Variants in TULP3 observed in about 807,000 individuals in gnomAD.
TULP3 encodes the protein tubby-related protein 3.
A neutral mutation model predicts 50.7 loss-of-function variants in TULP3; 38 were observed. The ratio of observed to expected loss-of-function variants is 0.75; its 90% CI spans 0.58 to 0.98. The LOEUF (loss-of-function observed/expected upper bound fraction) is 0.98, where lower values mean the gene tolerates loss of function less well. Ranked by LOEUF, TULP3 falls within the 50% of genes least tolerant of loss-of-function variation. The pLI, the probability that TULP3 is intolerant of heterozygous loss-of-function variation, is 0.00. For synonymous variants in TULP3, 183 were observed against 196.6 expected (o/e 0.93, Z 0.58); for missense variants, 550 against 568.0 (o/e 0.97, Z 0.32).
intron 2 of TULP3, among the ~76,000 whole-genome samples, chr12:2,914,954 GT>G (rs899081864): frequency 3.8e-4 from 58 of 151,176 alleles, no homozygotes; most frequent in African/African-American, 1.4e-3. Context: ...TTCAGGGTAT[GT>G]GGGCACCTTA....
intron 1 of TULP3, among the ~76,000 whole-genome samples, chr12:2,901,312 C>CTTTTT (rs371069831): frequency 1.3e-4 from 14 of 104,126 alleles, no homozygotes; most frequent in East Asian, 5.8e-4. Context: ...TTCTTTCTTT[C>CTTTTT]TTTTTTTTTT....
intron 9 of TULP3, 52 bp downstream of exon 9, chr12:2,937,781 A>G (rs762997772): frequency 7.3e-7 from 1 of 1,363,068 alleles, no homozygotes; most frequent in South Asian, 1.3e-5. Context: ...ACAGTAGTAC[A>G]ATACACAGAG....
At chr12:2,931,524 G>GT (rs1242659796) in intron 6 of TULP3, among the ~76,000 whole-genome samples, 1 of 152,306 alleles carries the variant, frequency 6.6e-6, no homozygotes, top group Non-Finnish European at 1.5e-5. Context: ...CCATGATTGA[G>GT]TTTTTGAATG....
chr12:2,938,138 TG>T lies in TULP3; in HGVS notation c.1050del (p.Trp350CysfsTer39). 6.2e-7 allele frequency: 1 copy of T among 1,614,206 alleles called. No homozygotes were observed. The highest frequency in any genetic ancestry group is 1.3e-5 in the African/African-American group (1 of 75,058). ...GAACCATGACAGTTTGCTCTCAAGG[TG>T]GCAGAACAGAACTATGGAAAATCTG... ...QNNHDSLLSR[W>X]QNRTMENLVE... On this transcript the variant is annotated frameshift_variant, in exon 10 of 11. Coordinates refer to ENST00000448120, the MANE Select transcript of TULP3 (RefSeq NM_003324.5). LOFTEE classifies it high-confidence loss of function.
intron 4 of TULP3, among the ~76,000 whole-genome samples, chr12:2,929,486 A>AG (rs2098196642): frequency 6.6e-6 from 1 of 152,172 alleles, no homozygotes; most frequent in South Asian, 2.1e-4. Flanking sequence ...TTTTAAAAAA[A>AG]CTTTTTATGG....
intron 8 of TULP3, among the ~76,000 whole-genome samples, chr12:2,937,200 A>T (rs1385224187): frequency 1.3e-3 from 73 of 54,414 alleles, no homozygotes; most frequent in Non-Finnish European, 1.5e-3. Flanking sequence ...GGTACACCTG[A>T]TTTTTTTTTT....
intron 1 of TULP3, among the ~76,000 whole-genome samples, chr12:2,909,114 A>C (rs1375467434): frequency 6.6e-6 from 1 of 152,224 alleles, no homozygotes; most frequent in Non-Finnish European, 1.5e-5. Context: ...ATGACTCTTC[A>C]AGTCTGTTTC....
intron 1 of TULP3, among the ~76,000 whole-genome samples, chr12:2,897,819 C>CT (rs2153947668): frequency 6.6e-6 from 1 of 150,466 alleles, no homozygotes; most frequent in East Asian, 2.0e-4. Context: ...TGGCTCATGC[C>CT]TGTAATCCCA....
intron 4 of TULP3, among the ~76,000 whole-genome samples, chr12:2,929,613 G>T (rs1490673687): frequency 6.7e-6 from 1 of 150,158 alleles, no homozygotes; most frequent in African/African-American, 2.5e-5. Flanking sequence ...TTGTTTTTTT[G>T]AGACAGAGTC....
intron 1 of TULP3, among the ~76,000 whole-genome samples, chr12:2,898,224 G>T (rs574188008): frequency 2.0e-5 from 3 of 152,252 alleles, no homozygotes; most frequent in East Asian, 3.8e-4. Flanking sequence ...GGCTTTACTA[G>T]GTTAAGTTGT....
chr12:2,925,149 C>T (rs769544260), intron 4 of TULP3, among the ~76,000 whole-genome samples: 8 of 151,178 alleles, frequency 5.3e-5, no homozygotes, highest in Non-Finnish European at 1.2e-4. Context: ...GCCTGGGCGA[C>T]GGAGCAAGAC....
intron 2 of TULP3, among the ~76,000 whole-genome samples, chr12:2,917,733 C>T (rs905603942): frequency 4.6e-4 from 70 of 151,144 alleles, no homozygotes; most frequent in African/African-American, 1.6e-3. Context: ...AAAAATTAGC[C>T]GGGCGCGGTG....
chr12:2,940,703 G>A lies in TULP3; in HGVS notation c.*1259G>A. On this transcript the variant is annotated 3_prime_UTR_variant, in exon 11 of 11. Coordinates refer to ENST00000448120, the MANE Select transcript of TULP3 (RefSeq NM_003324.5). ...CCTCTCACCTCCGCCTGTTGTTCCT[G>A]CACCACATCAGATAAGCATGTGAAG... 6.4e-7 allele frequency: 1 copy of A among 1,551,242 alleles called. No homozygotes were observed. The highest frequency in any genetic ancestry group is 1.2e-5 in the South Asian group (1 of 83,974).
intron 3 of TULP3, among the ~76,000 whole-genome samples, chr12:2,921,636 A>T (rs1732859298): frequency 6.6e-6 from 1 of 152,198 alleles, no homozygotes; most frequent in African/African-American, 2.4e-5. Context: ...AAGTGCCTCT[A>T]AATCAAGCCA....
chr12:2,911,693 T>C (rs2098185748), intron 2 of TULP3, among the ~76,000 whole-genome samples: 1 of 79,118 alleles, frequency 1.3e-5, no homozygotes. Flanking sequence ...TTTTTTTTTT[T>C]TTTTTTTTTT....
At position 2,940,633 on chromosome 12, in the gene TULP3, A is replaced by G; in HGVS notation, c.*1189A>G. 1 of 1,551,664 alleles carries G rather than the reference A, an allele frequency of 6.4e-7. No homozygotes were observed. The highest frequency in any genetic ancestry group is 8.7e-7 in the Non-Finnish European group (1 of 1,146,978). Reference sequence around the variant, plus strand: ...GAACTGTTTGCCAGCGTTGGGTGGGACACCCGTGGCGGCTGCTCCCTCAGA... The same window carrying G: ...GAACTGTTTGCCAGCGTTGGGTGGGGCACCCGTGGCGGCTGCTCCCTCAGA... On this transcript the variant is annotated 3_prime_UTR_variant, in exon 11 of 11. Transcript: ENST00000448120.
intron 2 of TULP3, among the ~76,000 whole-genome samples, chr12:2,910,359 A>G (rs115605197): frequency 0.014 from 2,149 of 152,270 alleles, 45 homozygotes; most frequent in African/African-American, 0.045. Context: ...TCTCCATTAC[A>G]CTAAGCTCTG....
chr12:2,899,987 GGC>G (rs2098178140), intron 1 of TULP3, among the ~76,000 whole-genome samples: 1 of 152,002 alleles, frequency 6.6e-6, no homozygotes, highest in African/African-American at 2.4e-5. Context: ...GGTTGAGGCA[GGC>G]GCGTCACCTG....
chr12:2,923,979 T>G (rs2098193300), intron 4 of TULP3, among the ~76,000 whole-genome samples: 1 of 152,020 alleles, frequency 6.6e-6, no homozygotes, highest in Non-Finnish European at 1.5e-5. Context: ...GGACCCCGTC[T>G]CAACAACAAC....
Sources: gnomAD v4.1 joint callset for allele counts (sites outside exome capture counted in the v4.1 genomes callset) on GRCh38, gnomAD v4.1.1 for gene constraint, MANE v1.5 for transcripts, NCBI Gene and HGNC (gene_info 2026-07-23, HGNC 2026-07-21) for gene names.